Variants in IL1RAPL2 observed in about 807,000 individuals in gnomAD.
IL1RAPL2 encodes interleukin 1 receptor accessory protein like 2, also known as X-linked interleukin-1 receptor accessory protein-like 2.
In IL1RAPL2, 3 loss-of-function variants were observed where a neutral mutation model predicts 44.1. That is an observed-to-expected ratio of 0.07 (90% CI 0.03 to 0.18). IL1RAPL2 has a LOEUF of 0.18. Among genes scored for constraint, IL1RAPL2 ranks in the 10% least tolerant of loss-of-function variants. IL1RAPL2 has a pLI of 1.00. For missense variants in IL1RAPL2, 391 were observed against 496.4 expected (o/e 0.79, Z 2.02); for synonymous variants, 181 against 178.8 (o/e 1.01, Z -0.10).
intron 2 of IL1RAPL2, among the ~76,000 whole-genome samples, chrX:104,865,151 A>G (rs961466217): frequency 8.9e-6 from 1 of 111,745 alleles, no homozygotes; most frequent in African/African-American, 3.3e-5. Context: ...GCCTCTACCT[A>G]GAAAAATAGG....
chrX:105,456,300 G>T (rs1389795070), intron 5 of IL1RAPL2, among the ~76,000 whole-genome samples: 2 of 111,370 alleles, frequency 1.8e-5, no homozygotes, highest in Non-Finnish European at 3.8e-5. Context: ...TTCCTGTTTG[G>T]TGCTCTTTAT....
intron 5 of IL1RAPL2, among the ~76,000 whole-genome samples, chrX:105,285,822 G>T (rs771177872): frequency 8.9e-6 from 1 of 111,840 alleles, no homozygotes; most frequent in South Asian, 3.7e-4. Flanking sequence ...TGCTAATCTG[G>T]TTTATAAAAG....
chrX:104,637,774 GTGTA>G (rs1303555199), intron 1 of IL1RAPL2, among the ~76,000 whole-genome samples: 40 of 73,441 alleles, frequency 5.4e-4, no homozygotes, highest in African/African-American at 2.8e-3. Context: ...TGTAGTTTTT[GTGTA>G]TGTGTGTGTG....
chrX:104,867,391 C>G (rs1483971695), intron 2 of IL1RAPL2, among the ~76,000 whole-genome samples: 1 of 111,138 alleles, frequency 9.0e-6, no homozygotes, highest in Non-Finnish European at 1.9e-5. Context: ...ATCTAATTGC[C>G]TCTTCTCTTT....
At chrX:105,590,839 G>GTGTGTT in intron 6 of IL1RAPL2, among the ~76,000 whole-genome samples, 1 of 103,494 alleles carries the variant, frequency 9.7e-6, no homozygotes, top group Non-Finnish European at 1.9e-5. Context: ...GTGTGTGTGT[G>GTGTGTT]TGTGTGTGTT....
At chrX:104,584,195 T>C (rs751896498) in intron 1 of IL1RAPL2, among the ~76,000 whole-genome samples, 26 of 111,697 alleles carry the variant, frequency 2.3e-4, no homozygotes, top group African/African-American at 8.4e-4. Context: ...TTGAGAATCA[T>C]TGATTTAGTC....
At chrX:105,737,511 T>C (rs5962575) in intron 7 of IL1RAPL2, among the ~76,000 whole-genome samples, 14,867 of 110,778 alleles carry the variant, frequency 0.13, 844 homozygotes, top group South Asian at 0.25. Flanking sequence ...TATTAATAGA[T>C]GAACCAAGGA....
chrX:104,967,764 G>T (rs1372155901), intron 2 of IL1RAPL2, among the ~76,000 whole-genome samples: 1 of 110,900 alleles, frequency 9.0e-6, no homozygotes, highest in Non-Finnish European at 1.9e-5. Flanking sequence ...AATACCAAAA[G>T]ACAACTTTAT....
intron 5 of IL1RAPL2, among the ~76,000 whole-genome samples, chrX:105,411,616 TAAC>T (rs1440786734): frequency 1.8e-5 from 2 of 111,212 alleles, no homozygotes; most frequent in Non-Finnish European, 3.8e-5. Flanking sequence ...CAAGATGATA[TAAC>T]AATTGTAAAT....
At position 105,396,448 on chromosome X, in the gene IL1RAPL2, A is replaced by C. The variant is rs182251983; in HGVS notation, c.698-87865A>C. Among the ~76,000 whole-genome samples the C allele has an allele frequency of 1.5e-3, 157 of 103,491 alleles. 2 individuals carry two copies. Among genetic ancestry groups the C allele is most frequent in the African/African-American group, 5.1e-3 (147 of 28,661 alleles). 89.9% of individuals were successfully genotyped at this position (103,491 alleles called of 115,157 possible). On this transcript the variant is annotated intron_variant, in intron 5 of 10. Transcript: ENST00000372582. ...CTTATCGATAAGGATTTTGGAGTCA[A>C]CAGTATACTAGCTGGTAATAGCTAC...
intron 6 of IL1RAPL2, among the ~76,000 whole-genome samples, chrX:105,634,350 A>C: frequency 9.0e-6 from 1 of 111,558 alleles, no homozygotes. Flanking sequence ...ACAATTTGCC[A>C]TGAGAAACCA....
At chrX:105,679,609 C>T (rs2037905357) in intron 6 of IL1RAPL2, among the ~76,000 whole-genome samples, 1 of 111,840 alleles carries the variant, frequency 8.9e-6, no homozygotes, top group African/African-American at 3.2e-5. Context: ...CTTCAACTTA[C>T]AAGAAGTTGC....
chrX:104,622,297 C>T lies in IL1RAPL2; in HGVS notation c.-19-36598C>T, dbSNP rs190687345. Among the ~76,000 whole-genome samples, 283 of 107,778 alleles carry T rather than the reference C, an allele frequency of 2.6e-3. 1 individual carries two copies. Among genetic ancestry groups the T allele is most frequent in the Non-Finnish European group, 4.3e-3 (229 of 52,683 alleles). The allele number at this position is 107,778 out of a possible 115,157, so 93.6% of individuals were successfully genotyped here. Reference sequence around the variant, plus strand: ...GTGTCGGTGTAATATTTTTACAGAACGGCAGAGGGTATATGAATAGATCCT... The same window carrying T: ...GTGTCGGTGTAATATTTTTACAGAATGGCAGAGGGTATATGAATAGATCCT... On this transcript the variant is annotated intron_variant, in intron 1 of 10. Transcript: ENST00000372582.
chrX:104,912,210 A>G (rs1015174589), intron 2 of IL1RAPL2, among the ~76,000 whole-genome samples: 28 of 108,612 alleles, frequency 2.6e-4, no homozygotes, highest in African/African-American at 7.7e-4. Context: ...TCTAACACCT[A>G]GAAGGCTGGG....
chrX:104,786,821 C>A (rs1272009394), intron 2 of IL1RAPL2, among the ~76,000 whole-genome samples: 28 of 109,897 alleles, frequency 2.5e-4, no homozygotes, highest in African/African-American at 9.3e-4. Flanking sequence ...CTAAGGAAAC[C>A]CAGAGGGGAA....
chrX:105,268,039 A>T (rs2034417231), intron 5 of IL1RAPL2, among the ~76,000 whole-genome samples: 1 of 112,267 alleles, frequency 8.9e-6, no homozygotes, highest in Non-Finnish European at 1.9e-5. Flanking sequence ...AATGAAGAAC[A>T]TGCATGTGTG....
chrX:104,567,423 G>A (rs776558352), intron 1 of IL1RAPL2, among the ~76,000 whole-genome samples: 25 of 112,603 alleles, frequency 2.2e-4, no homozygotes, highest in African/African-American at 7.4e-4. Context: ...CATTTCTGCC[G>A]CAGCTGGGAG....
rs777778454 is a variant in IL1RAPL2 at position 105,382,684 on chromosome X, G to A, written c.698-101629G>A. On this transcript the variant is annotated intron_variant, in intron 5 of 10. Transcript: ENST00000372582. ...ACACATGCACACATATGTTTATTGC[G>A]GCACTATTCACAATAGCAAAGACTT... 7.3e-3 allele frequency among the ~76,000 whole-genome samples: 765 copies of A among 105,033 alleles called. 16 individuals are homozygous for A. The highest frequency in any genetic ancestry group is 0.027 in the African/African-American group (717 of 26,552). 91.2% of individuals were successfully genotyped at this position (105,033 alleles called of 115,157 possible). A position where few individuals can be genotyped will look rare whatever the true frequency, so the allele number is the denominator to read the frequency against.
In IL1RAPL2 at chrX:105,109,827, A is replaced by C. The variant is rs768008117; in HGVS notation, c.83-85648A>C. Among the ~76,000 whole-genome samples, 10 of 112,649 alleles carry C rather than the reference A, an allele frequency of 8.9e-5. No individual in the cohort carries two copies. The East Asian group carries it at 2.8e-3, about 31-fold the overall frequency. ...ATAAACTATAGATCTGACAACGTAG[A>C]AAAATGCTGAGTGACTTTTAATTTA... is the stretch of plus-strand genomic sequence containing the variant. On this transcript the variant is annotated intron_variant, in intron 2 of 10. Coordinates refer to ENST00000372582, the MANE Select transcript of IL1RAPL2 (RefSeq NM_017416.2).
Sources: allele counts gnomAD v4.1 joint callset (sites outside exome capture counted in the v4.1 genomes callset), GRCh38; gene constraint gnomAD v4.1.1; transcripts MANE v1.5; gene names NCBI Gene and HGNC (gene_info 2026-07-23, HGNC 2026-07-21).